The following NAALADL2 variants were observed in gnomAD, a reference collection of about 807,000 sequenced individuals.
The protein encoded by NAALADL2 is inactive N-acetylated-alpha-linked acidic dipeptidase-like protein 2.
In NAALADL2, 76 loss-of-function variants were observed where a neutral mutation model predicts 87.2. The observed-to-expected ratio is 0.87, with a 90% CI of 0.72 to 1.05. The LOEUF is 1.05. Among genes scored for constraint, NAALADL2 ranks in the 50% least tolerant of loss-of-function variants. The probability of loss-of-function intolerance (pLI) is 0.00; values close to 1 mark genes in which losing one functional copy is unlikely to be tolerated. For synonymous variants in NAALADL2, 354 were observed against 331.0 expected, an observed-to-expected ratio of 1.07 and a Z score of -0.75; for missense variants, 1,089 against 945.8, an observed-to-expected ratio of 1.15 and a Z score of -1.99.
intron 4 of NAALADL2, among the ~76,000 whole-genome samples, chr3:175,315,069 A>G (rs2110341795): frequency 6.6e-6 from 1 of 152,160 alleles, no homozygotes; most frequent in East Asian, 1.9e-4. Context: ...TGGGCATACA[A>G]ATACTTCCAA....
At chr3:174,704,262 T>C (rs1729850754) in intron 2 of NAALADL2, among the ~76,000 whole-genome samples, 4 of 152,170 alleles carry the variant, frequency 2.6e-5, no homozygotes, top group Admixed American at 2.6e-4. Flanking sequence ...AATAATTGCT[T>C]ATAGCTTCCT....
At chr3:175,332,851 G>A (rs1761553471) in intron 5 of NAALADL2, among the ~76,000 whole-genome samples, 2 of 152,088 alleles carry the variant, frequency 1.3e-5, no homozygotes. Context: ...TATTGTACTG[G>A]AGTCTATTTC....
intron 1 of NAALADL2, among the ~76,000 whole-genome samples, chr3:174,455,529 C>T (rs1715777058): frequency 6.6e-6 from 1 of 152,102 alleles, no homozygotes; most frequent in Non-Finnish European, 1.5e-5. Flanking sequence ...CCAGTATGAT[C>T]AAGTAGGCAT....
intron 2 of NAALADL2, among the ~76,000 whole-genome samples, chr3:175,135,342 T>C (rs1424062321): frequency 6.6e-6 from 1 of 152,184 alleles, no homozygotes; most frequent in Non-Finnish European, 1.5e-5. Context: ...AATGAGGGCA[T>C]ATATTTCTTC....
At chr3:174,595,937 G>A (rs1406025227) in intron 2 of NAALADL2, among the ~76,000 whole-genome samples, 1 of 152,072 alleles carries the variant, frequency 6.6e-6, no homozygotes, top group African/African-American at 2.4e-5. Context: ...GCTTGAACCT[G>A]GGAGGTGGAG....
intron 4 of NAALADL2, among the ~76,000 whole-genome samples, chr3:175,270,767 G>A (rs866369555): frequency 1.1e-3 from 173 of 152,256 alleles, no homozygotes; most frequent in African/African-American, 3.9e-3. Flanking sequence ...GATGCATATG[G>A]AATGTTTAAT....
intron 3 of NAALADL2, among the ~76,000 whole-genome samples, chr3:174,749,121 G>A (rs1431002123): frequency 6.8e-6 from 1 of 147,708 alleles, no homozygotes; most frequent in Non-Finnish European, 1.5e-5. Context: ...GTTCTACCAT[G>A]CCTAATCCCA....
chr3:175,368,470 T>C (rs1326142680), intron 5 of NAALADL2, among the ~76,000 whole-genome samples: 1 of 152,144 alleles, frequency 6.6e-6, no homozygotes, highest in African/African-American at 2.4e-5. Flanking sequence ...AATTCGGCTG[T>C]GAATCCATCT....
intron 2 of NAALADL2, among the ~76,000 whole-genome samples, chr3:174,579,513 T>A (rs922056392): frequency 3.3e-5 from 5 of 152,024 alleles, no homozygotes; most frequent in Non-Finnish European, 7.4e-5. Context: ...GCAGAGCTAA[T>A]CTGTGGTGAA....
intron 4 of NAALADL2, 137 bp downstream of exon 4, chr3:175,256,667 G>A: frequency 1.6e-6 from 1 of 644,688 alleles, no homozygotes; most frequent in Non-Finnish European, 2.4e-6. Flanking sequence ...AAGAAAGAGA[G>A]GCAGAGAGTG....
chr3:175,661,031 C>A (rs1034779980), intron 11 of NAALADL2, among the ~76,000 whole-genome samples: 2 of 151,986 alleles, frequency 1.3e-5, no homozygotes, highest in Non-Finnish European at 2.9e-5. Flanking sequence ...GACTGATGGA[C>A]CGTAAGGTAG....
At chr3:175,508,248 T>A (rs2149387025) in intron 9 of NAALADL2, among the ~76,000 whole-genome samples, 1 of 152,222 alleles carries the variant, frequency 6.6e-6, no homozygotes, top group South Asian at 2.1e-4. Flanking sequence ...CCTCCAACAG[T>A]GGGGATGATA....
chr3:174,641,237 G>A (rs1411654142), intron 2 of NAALADL2, among the ~76,000 whole-genome samples: 1 of 152,158 alleles, frequency 6.6e-6, no homozygotes, highest in African/African-American at 2.4e-5. Context: ...CTCGGGGGAG[G>A]ACCGCGGGCC....
intron 1 of NAALADL2, among the ~76,000 whole-genome samples, chr3:174,895,087 TTAAA>T (rs756964430): frequency 5.9e-5 from 9 of 151,736 alleles, no homozygotes; most frequent in Non-Finnish European, 1.0e-4. Context: ...AGGAAAAACT[TTAAA>T]TAAACAATGT....
In NAALADL2 at chr3:175,544,235, A is replaced by T. The variant is rs186359370; in HGVS notation, c.1654-31806A>T. On this transcript the variant is annotated intron_variant, in intron 9 of 13. Coordinates refer to ENST00000454872, the MANE Select transcript of NAALADL2 (RefSeq NM_207015.3). ...AGTCCTGAATATAACCTTGATGAGT[A>T]AATTATTTTTGATAAACAAGCTTTT... 1.9e-3 allele frequency among the ~76,000 whole-genome samples: 293 copies of T among 152,306 alleles called. 2 individuals are homozygous for T. The highest frequency in any genetic ancestry group is 0.014 in the Middle Eastern group (4 of 294).
chr3:175,525,765 T>A (rs1733316930), intron 9 of NAALADL2, among the ~76,000 whole-genome samples: 1 of 152,166 alleles, frequency 6.6e-6, no homozygotes, highest in Admixed American at 6.5e-5. Flanking sequence ...TAAAAAGATG[T>A]CATATATTAC....
chr3:175,327,322 A>AT (rs1190709542), intron 5 of NAALADL2, among the ~76,000 whole-genome samples: 1 of 151,620 alleles, frequency 6.6e-6, no homozygotes, highest in Non-Finnish European at 1.5e-5. Context: ...TGCCCGGCTA[A>AT]TTTTTTGTAT....
intron 9 of NAALADL2, among the ~76,000 whole-genome samples, chr3:175,522,105 A>T (rs1230573601): frequency 6.6e-6 from 1 of 152,172 alleles, no homozygotes; most frequent in Non-Finnish European, 1.5e-5. Flanking sequence ...AAAACAGTTG[A>T]TTGAATAATC....
intron 2 of NAALADL2, among the ~76,000 whole-genome samples, chr3:174,572,677 A>G (rs568962203): frequency 2.6e-5 from 4 of 152,344 alleles, no homozygotes; most frequent in African/African-American, 9.6e-5. Context: ...CAAGATCAAT[A>G]TAAACAAATC....
Sources: gnomAD v4.1 joint callset for allele counts (sites outside exome capture counted in the v4.1 genomes callset) on GRCh38, gnomAD v4.1.1 for gene constraint, MANE v1.5 for transcripts, NCBI Gene and HGNC (gene_info 2026-07-23, HGNC 2026-07-21) for gene names.